The following HAUS7 variants were observed in gnomAD, a reference collection of about 807,000 sequenced individuals.
HAUS7 encodes HAUS augmin like complex subunit 7.
In HAUS7, 3 loss-of-function variants were observed where a neutral mutation model predicts 28.4. The ratio of observed to expected loss-of-function variants is 0.11; its 90% CI spans 0.05 to 0.27. The LOEUF (loss-of-function observed/expected upper bound fraction) is 0.27. HAUS7 is among the 10% of genes least tolerant of loss of function. The pLI is 1.00. For missense variants in HAUS7, 284 were observed against 297.3 expected, an observed-to-expected ratio of 0.96 and a Z score of 0.33; for synonymous variants, 165 against 132.1, an observed-to-expected ratio of 1.25 and a Z score of -1.71.
intron 2 of HAUS7, 68 bp from the exon 3 acceptor site, chrX:153,465,123 C>A: frequency 1.4e-6 from 1 of 734,911 alleles, no homozygotes; most frequent in South Asian, 2.3e-5. Context: ...CCTCTATACG[C>A]GCTGGAAGAA....
chrX:153,481,470 A>C (rs1206642306), intron 1 of HAUS7: 11 of 754,309 alleles, frequency 1.5e-5, no homozygotes, highest in Non-Finnish European at 1.7e-5. Context: ...GGTGGAAAAG[A>C]CCAGGAAGCA....
chrX:153,469,611 G>A (rs1406339288), intron 1 of HAUS7, among the ~76,000 whole-genome samples: 3 of 113,097 alleles, frequency 2.7e-5, no homozygotes, highest in Admixed American at 9.2e-5. Context: ...ACAGGCGTGG[G>A]CCGCCGCGCC....
rs1556982232 is a variant in HAUS7 at position 153,456,504 on chromosome X, A to G, written c.594T>C (p.Asp198=). 8.5e-7 allele frequency: 1 copy of G among 1,180,522 alleles called. No individual in the cohort carries two copies. The highest frequency in any genetic ancestry group is 3.1e-5 in the East Asian group (1 of 32,222). ...CCAGGAGCACGTACCACTGCCAGTC[A>G]TCACTCTGCTTGTTGAGGAGGGGCT... ...DMQPLLNKQS[D]DWQWASASAK... The change falls in exon 6 of 10, where the codon GAT becomes GAC. Residue 198 remains aspartate (D), a synonymous_variant. Transcript: ENST00000370211.
At chrX:153,472,702 C>G (rs1202804704), upstream of HAUS7, among the ~76,000 whole-genome samples, 1 of 108,888 alleles carries the variant, frequency 9.2e-6, no homozygotes, top group African/African-American at 3.4e-5. Context: ...GGTCTACAAG[C>G]CCAGGGAGGT....
Position 153,462,655 on chromosome X carries a change from G to T in HAUS7, c.309C>A (p.Gly103=). 8.3e-7 allele frequency: 1 copy of T among 1,205,220 alleles called. No individual in the cohort carries two copies. Among genetic ancestry groups the T allele is most frequent in the Non-Finnish European group, 1.1e-6 (1 of 889,216 alleles). Residue 103 remains glycine, a synonymous_variant, in exon 4 of 10, where the codon GGC becomes GGA. Transcript: ENST00000370211. ...CTGGCGCACACAGCATCAGCTCGTG[G>T]CCCAGCTTCGTCATTTCTGTTGAAA... ...EVKIQEMTKL[G]HELMLCAPDD... is the part of the protein sequence containing the mutation.
chrX:153,481,960 C>G, intron 1 of HAUS7: 105 of 412,390 alleles, frequency 2.5e-4, no homozygotes, highest in East Asian at 4.0e-4. Context: ...TCTCGGGGGC[C>G]GGGGCTGGGG....
At chrX:153,468,144 C>G (rs1261329449) in intron 2 of HAUS7, among the ~76,000 whole-genome samples, 1 of 112,460 alleles carries the variant, frequency 8.9e-6, no homozygotes, top group Non-Finnish European at 1.9e-5. Flanking sequence ...AAAAACGCCT[C>G]CTCCTTCCTC....
At chrX:153,486,057 A>G (rs959987027) in intron 1 of HAUS7, 62 of 961,745 alleles carry the variant, frequency 6.4e-5, no homozygotes, top group Non-Finnish European at 7.5e-5. Flanking sequence ...CTGGGCCTCA[A>G]GGGACTGCAG....
chrX:153,449,451 G>A (rs782133347), intron 9 of HAUS7, among the ~76,000 whole-genome samples: 77 of 112,746 alleles, frequency 6.8e-4, no homozygotes, highest in African/African-American at 2.4e-3. Context: ...GCTCTAGACT[G>A]TCTTCCTAGG....
chrX:153,461,636 A>T (rs1248182391), intron 4 of HAUS7: 1 of 130,670 alleles, frequency 7.7e-6, no homozygotes, highest in Non-Finnish European at 1.5e-5. Flanking sequence ...TCACAAAAAG[A>T]CGCTCCGTAT....
chrX:153,464,054 G>C (rs1434787410), intron 3 of HAUS7, among the ~76,000 whole-genome samples: 2 of 112,631 alleles, frequency 1.8e-5, no homozygotes, highest in East Asian at 2.8e-4. Context: ...ACCATTCGTC[G>C]GATGAATTCC....
chrX:153,474,711 G>A (rs2089550651), upstream of HAUS7, among the ~76,000 whole-genome samples: 1 of 105,913 alleles, frequency 9.4e-6, no homozygotes, highest in Non-Finnish European at 2.0e-5. Flanking sequence ...AGAGGCGGGG[G>A]CGGGGGCGGG....
upstream of HAUS7, among the ~76,000 whole-genome samples, chrX:153,474,580 C>A (rs566649678): frequency 4.3e-4 from 48 of 111,394 alleles, no homozygotes; most frequent in South Asian, 0.017. Flanking sequence ...AGTGGCTCAG[C>A]GGTCCATCTT....
chrX:153,482,571 G>C (rs1436355634), intron 1 of HAUS7: 2 of 723,543 alleles, frequency 2.8e-6, no homozygotes, highest in African/African-American at 4.6e-5. Context: ...GCACACTCGG[G>C]AGAGTGCCCA....
intron 9 of HAUS7, among the ~76,000 whole-genome samples, chrX:153,448,267 C>T (rs1338192999): frequency 9.2e-6 from 1 of 108,809 alleles, no homozygotes; most frequent in Non-Finnish European, 1.9e-5. Context: ...AGCTGGAAAC[C>T]ATCATTCTCA....
chrX:153,480,096 G>A (rs782425813), intron 1 of HAUS7, among the ~76,000 whole-genome samples: 158 of 112,063 alleles, frequency 1.4e-3, no homozygotes, highest in African/African-American at 5.0e-3. Context: ...AAGCACGTGT[G>A]AAGTCCTTGC....
intron 1 of HAUS7, chrX:153,480,947 G>A: frequency 1.3e-6 from 1 of 755,295 alleles, no homozygotes. Flanking sequence ...ACCAGGGCCA[G>A]AGGACAGGAG....
At chrX:153,450,854 G>A (rs1377694953) in intron 9 of HAUS7, among the ~76,000 whole-genome samples, 1 of 112,511 alleles carries the variant, frequency 8.9e-6, no homozygotes, top group Admixed American at 9.4e-5. Flanking sequence ...AGCGGGAGGA[G>A]GGCCATCGAG....
rs782372417 is a variant in HAUS7, at chrX:153,479,420, C to T, written c.-588-8275G>A. 8.1e-5 allele frequency: 60 copies of T among 742,438 alleles called. No individual in the cohort carries two copies. The African/African-American group carries it at 1.2e-3, about 15-fold the overall frequency. 61.2% of individuals were successfully genotyped at this position (742,438 alleles called of 1,213,427 possible). A position where few individuals can be genotyped will look rare whatever the true frequency, so the allele number is the denominator to read the frequency against. ...CTGGCACCAGCAGGAAGAAGACTGC[C>T]GCAGGCTGTCCACCTCAGGCCCACT... On this transcript the variant is annotated intron_variant, in intron 1 of 5. Coordinates refer to the HAUS7 transcript ENST00000370210.
Sources: allele counts gnomAD v4.1 joint callset (sites outside exome capture counted in the v4.1 genomes callset), GRCh38; gene constraint gnomAD v4.1.1; transcripts MANE v1.5; gene names NCBI Gene and HGNC (gene_info 2026-07-23, HGNC 2026-07-21).